QTMAN: variants seen among roughly 807,000 people sequenced by gnomAD.
QTMAN encodes the protein queuosine-tRNA mannosyltransferase, also known as tRNA-queuosine alpha-mannosyltransferase.
At chr2:144,008,447 A>G in the QTMAN span, among the ~76,000 whole-genome samples, 1 of 152,100 alleles carries the variant, frequency 6.6e-6, no homozygotes, top group Admixed American at 6.5e-5. Context: ...AGAGAATATG[A>G]GATCAAAGGA....
At chr2:144,152,393 C>A in the QTMAN span, among the ~76,000 whole-genome samples, 1 of 152,124 alleles carries the variant, frequency 6.6e-6, no homozygotes, top group Admixed American at 6.5e-5. Context: ...CTAAAGGTGT[C>A]ACTTAAATTC....
the QTMAN span, among the ~76,000 whole-genome samples, chr2:144,266,692 C>T: frequency 6.6e-6 from 1 of 152,202 alleles, no homozygotes; most frequent in Non-Finnish European, 1.5e-5. Context: ...CTTAAATTCA[C>T]TTTACCTTGG....
At chr2:144,153,971 T>C in the QTMAN span, among the ~76,000 whole-genome samples, 2 of 152,112 alleles carry the variant, frequency 1.3e-5, no homozygotes, top group African/African-American at 4.8e-5. Context: ...TACTAAGAGG[T>C]AAAGATGAGT....
At chr2:144,250,824 A>T in the QTMAN span, among the ~76,000 whole-genome samples, 8 of 151,442 alleles carry the variant, frequency 5.3e-5, no homozygotes, top group East Asian at 1.5e-3. Flanking sequence ...AATTCATTTC[A>T]CAAATGTGCT....
the QTMAN span, among the ~76,000 whole-genome samples, chr2:144,009,958 T>C: frequency 1.4e-5 from 2 of 146,508 alleles, no homozygotes; most frequent in East Asian, 2.0e-4. Flanking sequence ...TGGAGAACAA[T>C]AAAGCAATTG....
the QTMAN span, among the ~76,000 whole-genome samples, chr2:144,228,564 AAAG>A: frequency 3.0e-4 from 46 of 152,344 alleles, 1 homozygote; most frequent in South Asian, 8.7e-3. Context: ...AGAAAGGAGA[AAAG>A]AAGGAGAATG....
the QTMAN span, among the ~76,000 whole-genome samples, chr2:144,242,960 TAAAAAAA>T: frequency 7.1e-3 from 551 of 77,794 alleles, 7 homozygotes; most frequent in African/African-American, 0.031. Context: ...AGACTCTACT[TAAAAAAA>T]AAAAAAAAAA....
chr2:144,202,865 A>T, the QTMAN span, among the ~76,000 whole-genome samples: 1 of 152,214 alleles, frequency 6.6e-6, no homozygotes, highest in Non-Finnish European at 1.5e-5. Context: ...GCTAGAAAGG[A>T]TATTAAAAGT....
chr2:143,970,565 T>C, the QTMAN span: 2 of 785,954 alleles, frequency 2.5e-6, no homozygotes, highest in East Asian at 5.0e-5. Context: ...TTGATTATTC[T>C]AACAAAGGGA....
the QTMAN span, among the ~76,000 whole-genome samples, chr2:144,101,394 T>TCTCTCACACA: frequency 4.7e-5 from 7 of 150,234 alleles, no homozygotes; most frequent in South Asian, 2.1e-4. Flanking sequence ...TATCTCTCTC[T>TCTCTCACACA]CACACACACA....
chr2:143,952,083 A>G, the QTMAN span: 1 of 1,531,260 alleles, frequency 6.5e-7, no homozygotes, highest in Non-Finnish European at 9.0e-7. Flanking sequence ...GCTGCAGGAA[A>G]AACAGATACA....
the QTMAN span, among the ~76,000 whole-genome samples, chr2:144,180,774 A>C: frequency 1.3e-5 from 2 of 152,308 alleles, no homozygotes; most frequent in African/African-American, 2.4e-5. Context: ...TTTCCTAGTT[A>C]AAGTGAGGAG....
the QTMAN span, among the ~76,000 whole-genome samples, chr2:144,133,535 TAA>T: frequency 2.2e-5 from 2 of 92,392 alleles, no homozygotes; most frequent in Admixed American, 3.8e-4. Flanking sequence ...TAAATATATA[TAA>T]AGATATAAAG....
the QTMAN span, among the ~76,000 whole-genome samples, chr2:144,043,105 T>TC: frequency 6.6e-6 from 1 of 152,082 alleles, no homozygotes; most frequent in African/African-American, 2.4e-5. Flanking sequence ...CACCTTTTTT[T>TC]CCCCGCAATG....
the QTMAN span, among the ~76,000 whole-genome samples, chr2:144,033,674 C>G: frequency 6.6e-6 from 1 of 152,148 alleles, no homozygotes; most frequent in African/African-American, 2.4e-5. Context: ...TGGGTGGGGC[C>G]AAAAGTTCCA....
At chr2:144,157,605 A>G in the QTMAN span, among the ~76,000 whole-genome samples, 1 of 152,036 alleles carries the variant, frequency 6.6e-6, no homozygotes, top group African/African-American at 2.4e-5. Flanking sequence ...GATGGCTATT[A>G]AAAGATGAGC....
chr2:144,202,149 C>A, the QTMAN span, among the ~76,000 whole-genome samples: 1 of 152,196 alleles, frequency 6.6e-6, no homozygotes, highest in Non-Finnish European at 1.5e-5. Flanking sequence ...ATGGAAAGGA[C>A]AATGTGCCCC....
the QTMAN span, among the ~76,000 whole-genome samples, chr2:144,304,834 TG>T: frequency 6.7e-4 from 102 of 152,316 alleles, no homozygotes; most frequent in African/African-American, 2.3e-3. Flanking sequence ...AAGACGCAGA[TG>T]AGAAATTCTG....
chr2:144,166,659 C>T, the QTMAN span, among the ~76,000 whole-genome samples: 36 of 152,172 alleles, frequency 2.4e-4, no homozygotes, highest in Non-Finnish European at 8.8e-5. Flanking sequence ...ATATACCCCA[C>T]ATTATTGTGA....
Sources: allele counts gnomAD v4.1 joint callset (sites outside exome capture counted in the v4.1 genomes callset), GRCh38; gene constraint gnomAD v4.1.1; transcripts MANE v1.5; gene names NCBI Gene and HGNC (gene_info 2026-07-23, HGNC 2026-07-21).